The following NR2F1-AS1 variants were observed in gnomAD, a reference collection of about 807,000 sequenced individuals.
NR2F1-AS1 encodes the protein NR2F1 antisense RNA 1.
At chr5:93,575,476 C>A (rs763014054) in intron 1 of NR2F1-AS1, among the ~76,000 whole-genome samples, 8 of 151,934 alleles carry the variant, frequency 5.3e-5, no homozygotes, top group Non-Finnish European at 1.2e-4. Flanking sequence ...AACTTTTAAA[C>A]TGCCTAATGT....
At chr5:93,529,338 A>C (rs1751686525) in intron 4 of NR2F1-AS1, among the ~76,000 whole-genome samples, 1 of 152,210 alleles carries the variant, frequency 6.6e-6, no homozygotes, top group Admixed American at 6.5e-5. Context: ...GCCAGAAGAC[A>C]GATAAAGAAG....
chr5:93,473,955 C>T (rs1308969027), intron 4 of NR2F1-AS1, among the ~76,000 whole-genome samples: 1 of 151,854 alleles, frequency 6.6e-6, no homozygotes, highest in Non-Finnish European at 1.5e-5. Flanking sequence ...TTTATGTCTT[C>T]TTTGTAAATA....
chr5:93,543,366 A>G (rs1047133116), intron 4 of NR2F1-AS1: 1 of 152,230 alleles, frequency 6.6e-6, no homozygotes, highest in African/African-American at 2.4e-5. Context: ...GGCATGATTG[A>G]AAATATCTCC....
chr5:93,478,844 C>A (rs950589941), intron 4 of NR2F1-AS1, among the ~76,000 whole-genome samples: 19 of 152,186 alleles, frequency 1.2e-4, no homozygotes, highest in Middle Eastern at 3.4e-3. Flanking sequence ...GTTTTCATTT[C>A]TTTCTCTTGT....
chr5:93,564,059 G>A (rs1023685764), intron 1 of NR2F1-AS1, among the ~76,000 whole-genome samples: 13 of 124,380 alleles, frequency 1.0e-4, no homozygotes, highest in African/African-American at 3.3e-4. Context: ...TGGAGATCAC[G>A]CCACTGTACT....
chr5:93,580,376 C>T (rs1399554438), intron 1 of NR2F1-AS1: 1 of 152,386 alleles, frequency 6.6e-6, no homozygotes, highest in Non-Finnish European at 1.5e-5. Context: ...TGCTCTCGGC[C>T]TGCGGAGGCC....
At chr5:93,578,216 T>C (rs961904649) in intron 1 of NR2F1-AS1, among the ~76,000 whole-genome samples, 4 of 152,214 alleles carry the variant, frequency 2.6e-5, no homozygotes, top group African/African-American at 4.8e-5. Flanking sequence ...CGATCTGTGC[T>C]TCTCTTCCTC....
chr5:93,542,959 G>C (rs937012687), intron 4 of NR2F1-AS1: 1 of 152,412 alleles, frequency 6.6e-6, no homozygotes, highest in Non-Finnish European at 1.5e-5. Flanking sequence ...AAGAGGAGCA[G>C]AGGAGGAAAG....
chr5:93,560,815 A>C (rs1752469284), intron 2 of NR2F1-AS1, among the ~76,000 whole-genome samples: 1 of 152,274 alleles, frequency 6.6e-6, no homozygotes, highest in African/African-American at 2.4e-5. Flanking sequence ...AACAATCTAC[A>C]AAAGATACAA....
upstream of NR2F1-AS1, chr5:93,585,305 C>T (rs1753211000): frequency 1.2e-6 from 2 of 1,610,626 alleles, no homozygotes; most frequent in Admixed American, 1.7e-5. Context: ...ACAAGTCGAG[C>T]GGCAAGCACT....
chr5:93,471,553 A>C (rs555913253), intron 4 of NR2F1-AS1, among the ~76,000 whole-genome samples: 1 of 151,960 alleles, frequency 6.6e-6, no homozygotes, highest in Admixed American at 6.6e-5. Flanking sequence ...TATATGAAAA[A>C]TTTCTGTAGT....
chr5:93,451,591 G>C lies in NR2F1-AS1; in HGVS notation n.639-56049C>G, dbSNP rs191295605. On this transcript the variant is annotated intron_variant and non_coding_transcript_variant, in intron 4 of 5. Transcript: ENST00000660523. The stretch of plus-strand genomic sequence containing the variant: ...CTTATTTTTGTATTTTTTGTAGAGG[G>C]GGGGTTCTGCCATGTTACCTAGACT... 2.3e-3 allele frequency among the ~76,000 whole-genome samples: 357 copies of C among 151,968 alleles called. 1 individual carries two copies. Among genetic ancestry groups the C allele is most frequent in the African/African-American group, 8.3e-3 (345 of 41,480 alleles).
rs1235981865 is a variant in NR2F1-AS1 at position 93,479,960 on chromosome 5, G to T, written n.638+73801C>A. On this transcript the variant is annotated intron_variant and non_coding_transcript_variant, in intron 4 of 5. Transcript: ENST00000660523. ...GAAATGTTTATCAAACTTGAAGACAGAACAATTATACTTACCCAGTCTTAT... is the reference window on the plus strand; with the variant it reads ...GAAATGTTTATCAAACTTGAAGACATAACAATTATACTTACCCAGTCTTAT... Among the ~76,000 whole-genome samples the T allele has an allele frequency of 1.1e-4, 16 of 151,768 alleles. No homozygotes were observed. In the South Asian group the frequency reaches 3.3e-3, roughly 32 times the overall value.
intron 1 of NR2F1-AS1, among the ~76,000 whole-genome samples, chr5:93,572,764 T>A (rs1032948630): frequency 6.6e-6 from 1 of 152,220 alleles, no homozygotes; most frequent in African/African-American, 2.4e-5. Flanking sequence ...CGTCTCCCTG[T>A]CAAGTCATTA....
intron 4 of NR2F1-AS1, among the ~76,000 whole-genome samples, chr5:93,536,899 A>T (rs777337349): frequency 4.1e-4 from 63 of 152,004 alleles, no homozygotes; most frequent in Non-Finnish European, 7.8e-4. Context: ...TGTTCTCGAG[A>T]TAGTGAGTGG....
At chr5:93,425,501 G>A (rs943581068) in intron 4 of NR2F1-AS1, among the ~76,000 whole-genome samples, 1 of 152,172 alleles carries the variant, frequency 6.6e-6, no homozygotes, top group Non-Finnish European at 1.5e-5. Flanking sequence ...GATCTGCAAT[G>A]TCACTTTGCC....
intron 4 of NR2F1-AS1, among the ~76,000 whole-genome samples, chr5:93,460,807 G>T (rs1001551061): frequency 1.3e-5 from 2 of 152,158 alleles, no homozygotes; most frequent in Non-Finnish European, 2.9e-5. Flanking sequence ...CAGTCAGAAT[G>T]ACTATTATTA....
chr5:93,509,346 C>T (rs1021399496), intron 4 of NR2F1-AS1, among the ~76,000 whole-genome samples: 1 of 151,952 alleles, frequency 6.6e-6, no homozygotes, highest in East Asian at 1.9e-4. Context: ...CAGCCTCTAG[C>T]GATATGTGGA....
intron 4 of NR2F1-AS1, among the ~76,000 whole-genome samples, chr5:93,470,946 T>C (rs1222994555): frequency 6.6e-6 from 1 of 151,874 alleles, no homozygotes; most frequent in East Asian, 1.9e-4. Flanking sequence ...AGAGAACTTA[T>C]AACACATACA....
Sources: gnomAD v4.1 joint callset for allele counts (sites outside exome capture counted in the v4.1 genomes callset) on GRCh38, gnomAD v4.1.1 for gene constraint, MANE v1.5 for transcripts, NCBI Gene and HGNC (gene_info 2026-07-23, HGNC 2026-07-21) for gene names.